SPINK7: variants seen among roughly 807,000 people sequenced by gnomAD.
The protein encoded by SPINK7 is serine protease inhibitor Kazal-type 7.
A neutral mutation model predicts 11.6 loss-of-function variants in SPINK7; 8 were observed. The observed-to-expected ratio is 0.69, with a 90% CI of 0.41 to 1.25. The LOEUF (loss-of-function observed/expected upper bound fraction) is 1.25. SPINK7 is among the 50% of genes most tolerant of loss of function. The pLI is 0.01. For missense variants in SPINK7, 113 were observed against 99.3 expected (o/e 1.14, Z -0.58); for synonymous variants, 38 against 35.3 (o/e 1.08, Z -0.27).
chr5:148,313,997 T>C (rs1471497171), intron 2 of SPINK7, 103 bp from the exon 3 acceptor site: 2 of 1,463,388 alleles, frequency 1.4e-6, no homozygotes, highest in Non-Finnish European at 9.4e-7. Context: ...CCAAGCAACA[T>C]CTGAATATCT....
At chr5:148,313,335 G>A in intron 1 of SPINK7, 39 bp from the exon 2 acceptor site, 2 of 1,545,932 alleles carry the variant, frequency 1.3e-6, no homozygotes, top group Non-Finnish European at 1.8e-6. Context: ...TTTAAAGTTT[G>A]CTTTACTTTT....
chr5:148,314,723 T>A (rs1756907524), intron 3 of SPINK7, among the ~76,000 whole-genome samples: 1 of 152,072 alleles, frequency 6.6e-6, no homozygotes, highest in South Asian at 2.1e-4. Flanking sequence ...ATAATTAACA[T>A]CCTCACTGCA....
rs1183952424 is a variant in SPINK7, at chr5:148,314,233, C to T, written c.212+9C>T. ...TTGTGTACCGAGAGCTTGTGAGTAC[C>T]TCATAAGAAGAAAATGAGATCTGGA... is the stretch of plus-strand genomic sequence containing the variant. On this transcript the variant is annotated intron_variant, in intron 3 of 3. Coordinates refer to ENST00000274565, the MANE Select transcript of SPINK7 (RefSeq NM_032566.3). 3 of 1,613,348 alleles carry T rather than the reference C, an allele frequency of 1.9e-6. No individual in the cohort carries two copies. The highest frequency in any genetic ancestry group is 2.2e-5 in the East Asian group (1 of 44,872).
In SPINK7 at chr5:148,315,917, A is replaced by G. The variant is rs1756926893; in HGVS notation, c.*233A>G. On this transcript the variant is annotated 3_prime_UTR_variant, in exon 4 of 4. Coordinates refer to ENST00000274565, the MANE Select transcript of SPINK7 (RefSeq NM_032566.3). Reference sequence around the variant, plus strand: ...CGTCAATAAAAAAATAATCTCCCAGAAAGTTTATCTTTGCTTCTGTTTGTG... The same window carrying G: ...CGTCAATAAAAAAATAATCTCCCAGGAAGTTTATCTTTGCTTCTGTTTGTG... The G allele has an allele frequency of 7.9e-6, 3 of 378,718 alleles. No homozygotes were observed. Among genetic ancestry groups the G allele is most frequent in the Non-Finnish European group, 1.4e-5 (3 of 211,666 alleles). 23.5% of individuals were successfully genotyped at this position (378,718 alleles called of 1,614,324 possible).
At chr5:148,314,422 A>G in intron 3 of SPINK7, 198 bp downstream of exon 3, 2 of 599,444 alleles carry the variant, frequency 3.3e-6, no homozygotes, top group Non-Finnish European at 5.9e-6. Context: ...AGCTTGGACT[A>G]GTCCCATCCC....
chr5:148,314,752 G>T (rs1228561925), intron 3 of SPINK7, among the ~76,000 whole-genome samples: 1 of 152,030 alleles, frequency 6.6e-6, no homozygotes, highest in South Asian at 2.1e-4. Context: ...CTTAGACAAA[G>T]TGTCCCTAGA....
At chr5:148,312,637 T>C in intron 1 of SPINK7, 93 bp downstream of exon 1, 1 of 735,508 alleles carries the variant, frequency 1.4e-6, no homozygotes, top group South Asian at 1.8e-5. Context: ...AAACATCTGG[T>C]TGTAAGAATT....
At chr5:148,314,004 A>G in intron 2 of SPINK7, 96 bp from the exon 3 acceptor site, 1 of 1,508,948 alleles carries the variant, frequency 6.6e-7, no homozygotes, top group African/African-American at 1.4e-5. Flanking sequence ...ACATCTGAAT[A>G]TCTGAGCTGG....
rs1217804998 is a variant in SPINK7, at chr5:148,314,201, A to ATGTCACTTG, written c.193_201dup (p.His65_Cys67dup). 6.2e-7 allele frequency: 1 copy of ATGTCACTTG among 1,613,668 alleles called. No individual in the cohort carries two copies. The highest frequency in any genetic ancestry group is 8.5e-7 in the Non-Finnish European group (1 of 1,179,750). ...CTGACTACATCACCTATGGGAATGAATGTCACTTGTGTACCGAGAGCTTGT... is the reference window on the plus strand; with the variant it reads ...CTGACTACATCACCTATGGGAATGAATGTCACTTGTGTCACTTGTGTACCGAGAGCTTGT... On this transcript the variant is annotated inframe_insertion, in exon 3 of 4. Coordinates refer to ENST00000274565, the MANE Select transcript of SPINK7 (RefSeq NM_032566.3).
At chr5:148,315,366 A>G (rs897456075) in intron 3 of SPINK7, among the ~76,000 whole-genome samples, 2 of 151,860 alleles carry the variant, frequency 1.3e-5, no homozygotes, top group African/African-American at 4.8e-5. Flanking sequence ...TTGTCAGAGT[A>G]CTCTTTCTTT....
chr5:148,315,306 G>A (rs991608767), intron 3 of SPINK7, among the ~76,000 whole-genome samples: 3 of 152,226 alleles, frequency 2.0e-5, no homozygotes, highest in East Asian at 1.9e-4. Flanking sequence ...ATCCAGCTTC[G>A]TCAAAGGACT....
chr5:148,313,980 G>T, intron 2 of SPINK7, 120 bp from the exon 3 acceptor site: 2 of 1,260,230 alleles, frequency 1.6e-6, no homozygotes, highest in Admixed American at 4.0e-5. Flanking sequence ...AGTACTTAAA[G>T]AAGTGGCCAA....
In SPINK7 at chr5:148,315,818, C is replaced by A; in HGVS notation, c.*134C>A. 1 of 541,354 alleles carries A rather than the reference C, an allele frequency of 1.8e-6. No individual in the cohort carries two copies. Among genetic ancestry groups the A allele is most frequent in the Non-Finnish European group, 3.4e-6 (1 of 296,566 alleles). The allele number at this position is 541,354 out of a possible 1,614,324, so 33.5% of individuals were successfully genotyped here. The stretch of plus-strand genomic sequence containing the variant: ...AGAGCCAGATTCAGAGTAATCTTGA[C>A]TGAATGGAGAAAGTTTCTGTGCTAC... On this transcript the variant is annotated 3_prime_UTR_variant, in exon 4 of 4. Coordinates refer to ENST00000274565, the MANE Select transcript of SPINK7 (RefSeq NM_032566.3).
chr5:148,312,601 T>G (rs577748969), intron 1 of SPINK7, 57 bp downstream of exon 1: 5 of 1,005,900 alleles, frequency 5.0e-6, no homozygotes, highest in Non-Finnish European at 7.6e-6. Flanking sequence ...TCATAAATAA[T>G]CCCTCCTGCG....
chr5:148,312,442 T>A lies in SPINK7; in HGVS notation c.-42T>A. On this transcript the variant is annotated 5_prime_UTR_variant, in exon 1 of 4. Transcript: ENST00000274565. Reference sequence around the variant, plus strand: ...TGGGATATGGTCGATGCAGCTGTAGTGACAATCTCAGAGCAGCTTCTACAC... The same window carrying A: ...TGGGATATGGTCGATGCAGCTGTAGAGACAATCTCAGAGCAGCTTCTACAC... 4 of 1,363,874 alleles carry A rather than the reference T, an allele frequency of 2.9e-6. No individual in the cohort carries two copies. Among genetic ancestry groups the A allele is most frequent in the Non-Finnish European group, 4.2e-6 (4 of 952,088 alleles). The allele number at this position is 1,363,874 out of a possible 1,614,324, so 84.5% of individuals were successfully genotyped here. A position where few individuals can be genotyped will look rare whatever the true frequency, so the allele number is the denominator to read the frequency against.
intron 1 of SPINK7, 34 bp from the exon 2 acceptor site, chr5:148,313,340 A>G: frequency 6.4e-7 from 1 of 1,572,620 alleles, no homozygotes; most frequent in African/African-American, 1.4e-5. Flanking sequence ...AGTTTGCTTT[A>G]CTTTTAACAT....
At chr5:148,315,156 C>A (rs1462357740) in intron 3 of SPINK7, among the ~76,000 whole-genome samples, 3 of 152,080 alleles carry the variant, frequency 2.0e-5, no homozygotes, top group Non-Finnish European at 4.4e-5. Flanking sequence ...GTATTTATTC[C>A]TATTTGGGAG....
At position 148,314,093 on chromosome 5, in the gene SPINK7, G is replaced by A. The variant is rs761146105; in HGVS notation, c.88-7G>A. The A allele has an allele frequency of 6.2e-7, 1 of 1,613,758 alleles. No homozygotes were observed. Among genetic ancestry groups the A allele is most frequent in the Non-Finnish European group, 8.5e-7 (1 of 1,179,784 alleles). On this transcript the variant is annotated splice_region_variant and splice_polypyrimidine_tract_variant and intron_variant, in intron 2 of 3. Transcript: ENST00000274565. ...AAAAACAGGACATTTGCTTGTATAT[G>A]ACACAGGTGGACTGCAGCATTTACA...
chr5:148,312,603 C>T, intron 1 of SPINK7, 59 bp downstream of exon 1: 2 of 966,556 alleles, frequency 2.1e-6, no homozygotes, highest in Non-Finnish European at 3.2e-6. Flanking sequence ...ATAAATAATC[C>T]CTCCTGCGAT....
Sources: allele counts gnomAD v4.1 joint callset (sites outside exome capture counted in the v4.1 genomes callset), GRCh38; gene constraint gnomAD v4.1.1; transcripts MANE v1.5; gene names NCBI Gene and HGNC (gene_info 2026-07-23, HGNC 2026-07-21).